CAPS2: variants seen among roughly 807,000 people sequenced by gnomAD.
CAPS2 encodes the protein calcyphosine 2.
A neutral mutation model predicts 86.5 loss-of-function variants in CAPS2; 98 were observed. The ratio of observed to expected loss-of-function variants is 1.13; its 90% confidence interval spans 0.96 to 1.34. The LOEUF is 1.34. Among genes scored for constraint, CAPS2 ranks in the 40% most tolerant of loss-of-function variants. CAPS2 has a pLI of 0.00. For missense variants in CAPS2, 729 were observed against 686.8 expected (o/e 1.06, Z -0.69); for synonymous variants, 210 against 225.1 (o/e 0.93, Z 0.60).
intron 1 of CAPS2, among the ~76,000 whole-genome samples, chr12:75,367,693 C>T (rs1181536439): frequency 6.6e-6 from 1 of 151,970 alleles, no homozygotes; most frequent in Non-Finnish European, 1.5e-5. Flanking sequence ...TTATTTCTGA[C>T]AGTTTATTGA....
intron 1 of CAPS2, among the ~76,000 whole-genome samples, chr12:75,337,687 G>A (rs778278696): frequency 7.2e-5 from 11 of 151,858 alleles, no homozygotes; most frequent in East Asian, 1.9e-4. Context: ...TCATATATGC[G>A]TGCCATGTTA....
intron 1 of CAPS2, among the ~76,000 whole-genome samples, chr12:75,377,343 G>A (rs1441161944): frequency 2.3e-4 from 35 of 152,156 alleles, no homozygotes; most frequent in Admixed American, 2.3e-3. Context: ...TATGGAAGGG[G>A]TTTATTAAGG....
chr12:75,295,439 A>G (rs2036714587), intron 11 of CAPS2, among the ~76,000 whole-genome samples: 1 of 152,214 alleles, frequency 6.6e-6, no homozygotes, highest in African/African-American at 2.4e-5. Flanking sequence ...TCTTTCATCC[A>G]GTCTTCACTG....
intron 16 of CAPS2, 88 bp downstream of exon 16, chr12:75,282,163 T>A (rs1049654346): frequency 1.1e-4 from 86 of 768,894 alleles, no homozygotes; most frequent in Middle Eastern, 3.6e-4. Flanking sequence ...CCTAATGGCC[T>A]CAGTCTAAGG....
intron 11 of CAPS2, among the ~76,000 whole-genome samples, chr12:75,297,879 C>G (rs886857573): frequency 6.6e-6 from 1 of 152,132 alleles, no homozygotes; most frequent in Non-Finnish European, 1.5e-5. Context: ...AACTCCTAGT[C>G]AAGGGTAGAT....
chr12:75,346,163 T>A (rs989916995), intron 1 of CAPS2, among the ~76,000 whole-genome samples: 1 of 152,200 alleles, frequency 6.6e-6, no homozygotes, highest in Non-Finnish European at 1.5e-5. Context: ...AAAGTCACAA[T>A]TTAGATAAAA....
intron 7 of CAPS2, among the ~76,000 whole-genome samples, chr12:75,312,329 T>A (rs944896486): frequency 1.3e-5 from 2 of 152,172 alleles, no homozygotes; most frequent in African/African-American, 4.8e-5. Context: ...TCAGGGTAGT[T>A]CACAGTTTCA....
intron 1 of CAPS2, among the ~76,000 whole-genome samples, chr12:75,382,435 T>C (rs1046380391): frequency 1.3e-5 from 2 of 151,242 alleles, no homozygotes; most frequent in Non-Finnish European, 2.9e-5. Flanking sequence ...AGGTCAGGAG[T>C]TCAAGACCAG....
chr12:75,334,809 C>T (rs764049133), upstream of CAPS2: 1 of 1,614,090 alleles, frequency 6.2e-7, no homozygotes, highest in Non-Finnish European at 8.5e-7. Flanking sequence ...AAATCCCATC[C>T]ATCACTGACC....
chr12:75,351,545 GT>G (rs200327101), intron 1 of CAPS2, among the ~76,000 whole-genome samples: 2,315 of 148,490 alleles, frequency 0.016, 47 homozygotes, highest in African/African-American at 0.055. Context: ...ACTCTGTTTT[GT>G]TTTGTTTTTT....
At chr12:75,352,829 C>G (rs755732987) in intron 1 of CAPS2, among the ~76,000 whole-genome samples, 4 of 152,270 alleles carry the variant, frequency 2.6e-5, no homozygotes, top group African/African-American at 9.6e-5. Context: ...AATTAGAACT[C>G]AATATTAAGA....
At chr12:75,324,126 T>C (rs2040552963) in intron 2 of CAPS2, among the ~76,000 whole-genome samples, 2 of 152,220 alleles carry the variant, frequency 1.3e-5, no homozygotes, top group South Asian at 2.1e-4. Context: ...CATGGTTTTA[T>C]ATTGAAAACT....
At chr12:75,343,808 G>C (rs2042272327) in intron 1 of CAPS2, 1 of 1,613,344 alleles carries the variant, frequency 6.2e-7, no homozygotes, top group African/African-American at 1.3e-5. Context: ...GAATATGTTG[G>C]AGAAAATATC....
chr12:75,314,778 G>C (rs2039588300), intron 6 of CAPS2, among the ~76,000 whole-genome samples: 1 of 152,084 alleles, frequency 6.6e-6, no homozygotes, highest in African/African-American at 2.4e-5. Flanking sequence ...AGCCCATGCA[G>C]AAAGCCCATC....
intron 16 of CAPS2, 35 bp downstream of exon 16, chr12:75,282,216 T>C: frequency 2.7e-6 from 3 of 1,097,074 alleles, no homozygotes; most frequent in Non-Finnish European, 4.2e-6. Context: ...AGTAACATTT[T>C]CAAAGTCCAA....
intron 1 of CAPS2, among the ~76,000 whole-genome samples, chr12:75,358,591 T>C (rs2043309834): frequency 6.6e-6 from 1 of 150,768 alleles, no homozygotes; most frequent in African/African-American, 2.4e-5. Flanking sequence ...ACCACTAACA[T>C]TATGCCTAAT....
intron 12 of CAPS2, among the ~76,000 whole-genome samples, chr12:75,292,169 C>T (rs544253395): frequency 2.0e-4 from 31 of 152,174 alleles, no homozygotes; most frequent in African/African-American, 6.5e-4. Flanking sequence ...CAGGTTCAAG[C>T]GATTCTCTCA....
intron 1 of CAPS2, among the ~76,000 whole-genome samples, chr12:75,340,036 A>AG (rs1289725645): frequency 6.6e-6 from 1 of 152,078 alleles, no homozygotes; most frequent in Non-Finnish European, 1.5e-5. Flanking sequence ...TTCAATTAGA[A>AG]TAATGGTCTC....
exon 17 of CAPS2, chr12:75,278,356 G>A (rs1425807178): frequency 4.1e-6 from 4 of 983,924 alleles, no homozygotes; most frequent in Non-Finnish European, 4.8e-6. Flanking sequence ...TAATCACACT[G>A]CTTGAAAAAT....
Sources: gnomAD v4.1 joint callset for allele counts (sites outside exome capture counted in the v4.1 genomes callset) on GRCh38, gnomAD v4.1.1 for gene constraint, MANE v1.5 for transcripts, NCBI Gene and HGNC (gene_info 2026-07-23, HGNC 2026-07-21) for gene names.